The following FAT2 variants were observed in gnomAD, a reference collection of about 807,000 sequenced individuals.
FAT2 encodes the protein FAT atypical cadherin 2, also known as protocadherin Fat 2.
Under a neutral mutation model 295.3 loss-of-function variants are expected in FAT2, and 150 were observed. The ratio of observed to expected loss-of-function variants is 0.51; its 90% CI spans 0.44 to 0.58. The LOEUF (loss-of-function observed/expected upper bound fraction) is 0.58. FAT2 is among the 20% of genes least tolerant of loss of function. The probability of loss-of-function intolerance (pLI) is 0.00; values close to 1 mark genes in which losing one functional copy is unlikely to be tolerated. For missense variants in FAT2, 4,868 were observed against 5,442.7 expected, an observed-to-expected ratio of 0.89 and a Z score of 3.32; for synonymous variants, 2,026 against 2,150.3, an observed-to-expected ratio of 0.94 and a Z score of 1.60.
rs1337896723 is a variant in FAT2, at chr5:151,554,486, C to T, written c.3821G>A (p.Gly1274Asp). 1 of 1,614,212 alleles carries T rather than the reference C, an allele frequency of 6.2e-7. No homozygotes were observed. Among genetic ancestry groups the T allele is most frequent in the Non-Finnish European group, 8.5e-7 (1 of 1,180,032 alleles). The change falls in exon 5 of 24, where the codon GGT (glycine) becomes GAT (aspartate). Residue 1274 changes from glycine (G) to aspartate (D), a missense_variant. Gly to Asp is a moderately conservative substitution (Grantham distance 94). Coordinates refer to ENST00000261800, the MANE Select transcript of FAT2 (RefSeq NM_001447.3). ...YRLVASDLDE[G>D]LNGRVTYSIE... Reference sequence around the variant, plus strand: ...ACTGTAGGTGACTCTGCCATTAAGACCCTCATCCAGGTCTGAAGCCACCAG... The same window carrying T: ...ACTGTAGGTGACTCTGCCATTAAGATCCTCATCCAGGTCTGAAGCCACCAG...
intron 12 of FAT2, among the ~76,000 whole-genome samples, chr5:151,537,174 C>T (rs912498962): frequency 7.1e-6 from 1 of 140,896 alleles, no homozygotes; most frequent in Non-Finnish European, 1.5e-5. Flanking sequence ...GAGAGAAATA[C>T]AGAAAGAAAG....
rs768442315 is a variant in FAT2 at position 151,543,722 on chromosome 5, T to C, written c.7405A>G (p.Ile2469Val). The C allele has an allele frequency of 4.3e-6, 7 of 1,614,196 alleles. No homozygotes were observed. Among genetic ancestry groups the C allele is most frequent in the Non-Finnish European group, 5.9e-6 (7 of 1,180,024 alleles). Residue 2469 changes from isoleucine to valine, a missense_variant, in exon 10 of 24, where the codon ATC becomes GTC. This residue lies in a region of FAT2 where 3,297 missense variants were observed against 3,669.4 expected (regional missense o/e 0.90). Transcript: ENST00000261800. ...TACTTGTTGGCATTTGTAGTGTTGA[T>C]GTACACAGGCACAGTTGCTCGGAAG... ...GVFRATVPVY[I>V]NTTNANKYSP...
At position 151,565,980 on chromosome 5, in the gene FAT2, C is replaced by G; in HGVS notation, c.2952G>C (p.Glu984Asp). The G allele has an allele frequency of 6.2e-7, 1 of 1,614,108 alleles. No individual in the cohort carries two copies. The highest frequency in any genetic ancestry group is 8.5e-7 in the Non-Finnish European group (1 of 1,180,030). ...VDLMTGALIL[E>D]RELDFERRAG... ...CTCGCCTCTCAAAGTCCAGCTCTCT[C>G]TCCAGAATGAGCGCCCCTGTCATCA... is the stretch of plus-strand genomic sequence containing the variant. Residue 984 changes from glutamate to aspartate, a missense_variant, in exon 2 of 24, where the codon GAG becomes GAC. By Grantham distance (45) the Glu-to-Asp change is conservative. Coordinates refer to ENST00000261800, the MANE Select transcript of FAT2 (RefSeq NM_001447.3).
At chr5:151,589,333 G>C (rs1759309423) in intron 1 of FAT2, among the ~76,000 whole-genome samples, 1 of 152,170 alleles carries the variant, frequency 6.6e-6, no homozygotes, top group Admixed American at 6.5e-5. Context: ...CACACAGCCT[G>C]TCATAAAGCA....
chr5:151,514,373 G>GTT (rs534629887), intron 20 of FAT2, among the ~76,000 whole-genome samples: 1 of 152,098 alleles, frequency 6.6e-6, no homozygotes, highest in Non-Finnish European at 1.5e-5. Context: ...TCCTTATCCA[G>GTT]TTTAAGTTCC....
At chr5:151,529,902 G>C (rs1353268978) in intron 14 of FAT2, among the ~76,000 whole-genome samples, 1 of 152,148 alleles carries the variant, frequency 6.6e-6, no homozygotes. Flanking sequence ...AGAAATAAAA[G>C]AACAAGGATT....
At chr5:151,564,352 C>T (rs6878532) in intron 2 of FAT2, among the ~76,000 whole-genome samples, 73,272 of 151,758 alleles carry the variant, frequency 0.48, 17,847 homozygotes, top group Non-Finnish European at 0.53. Flanking sequence ...ACGACTTGAC[C>T]AAGATCATGT....
chr5:151,518,348 C>A (rs1753080246), intron 19 of FAT2, among the ~76,000 whole-genome samples: 3 of 101,486 alleles, frequency 3.0e-5, no homozygotes, highest in Non-Finnish European at 4.6e-5. Context: ...GACCATGTCT[C>A]TAATAATAAT....
chr5:151,553,990 A>G (rs1488627728), intron 5 of FAT2, among the ~76,000 whole-genome samples: 1 of 152,226 alleles, frequency 6.6e-6, no homozygotes, highest in Non-Finnish European at 1.5e-5. Context: ...CTCACAAGAA[A>G]GACGTTCTTA....
intron 8 of FAT2, among the ~76,000 whole-genome samples, chr5:151,549,784 CAG>C (rs1199236357): frequency 6.6e-6 from 1 of 152,140 alleles, no homozygotes; most frequent in Non-Finnish European, 1.5e-5. Context: ...AATTACATCT[CAG>C]AGAATACTCA....
Position 151,543,257 on chromosome 5 carries a change from C to A in FAT2, c.7870G>T (p.Val2624Leu), listed in dbSNP as rs751361747. ...TCTTTAACTAGGTCCTCTGGGTTCA[C>A]TGAGTAGGTGACATCTGCGTTCTGA... is the stretch of plus-strand genomic sequence containing the variant. ...EGQNADVTYS[V>L]NPEDLVKDVI... The change falls in exon 10 of 24, where the codon GTG becomes TTG. Residue 2624 changes from valine to leucine, a missense_variant. Physicochemically the swap from Val to Leu is conservative, Grantham distance 32. This residue lies in a region of FAT2 where 3,297 missense variants were observed against 3,669.4 expected (regional missense o/e 0.90). Transcript: ENST00000261800. 2 of 1,614,208 alleles carry A rather than the reference C, an allele frequency of 1.2e-6. No individual in the cohort carries two copies. The highest frequency in any genetic ancestry group is 3.3e-5 in the Admixed American group (2 of 60,024).
At chr5:151,527,414 T>C in intron 16 of FAT2, 37 bp from the exon 17 acceptor site, 2 of 1,544,836 alleles carry the variant, frequency 1.3e-6, no homozygotes, top group Non-Finnish European at 1.8e-6. Flanking sequence ...AGCAATGAGG[T>C]AGCTGTCCCT....
intron 18 of FAT2, 127 bp from the exon 19 acceptor site, chr5:151,522,213 C>G (rs1753540624): frequency 1.5e-6 from 1 of 660,968 alleles, no homozygotes; most frequent in Non-Finnish European, 2.5e-6. Context: ...TGGCTCAGCG[C>G]ATTGTTGCAT....
Position 151,521,469 on chromosome 5 carries a change from C to T in FAT2, c.11124G>A (p.Lys3708=), listed in dbSNP as rs1753444626. 1 of 1,614,234 alleles carries T rather than the reference C, an allele frequency of 6.2e-7. No homozygotes were observed. Among genetic ancestry groups the T allele is most frequent in the Non-Finnish European group, 8.5e-7 (1 of 1,180,040 alleles). The change falls in exon 19 of 24, where the codon AAG becomes AAA. Residue 3708 remains lysine (K), a synonymous_variant. Coordinates refer to ENST00000261800, the MANE Select transcript of FAT2 (RefSeq NM_001447.3). ...GAACCCCCACTGAATGCTCCATCTC[C>T]TTGGCTGAGTGAGTGATGATGGATG... is the stretch of plus-strand genomic sequence containing the variant. ...ELASIITHSA[K]EMEHSVGVQM...
rs1282186123 is a variant in FAT2 at position 151,591,227 on chromosome 5, G to A, written c.-83C>T. On this transcript the variant is annotated 5_prime_UTR_variant, in exon 1 of 24. Coordinates refer to ENST00000261800, the MANE Select transcript of FAT2 (RefSeq NM_001447.3). Reference sequence around the variant, plus strand: ...GCTGCTGGGCTGGCGCCCCTCTCACGAGGGCCAGGCTGACAGGCTCCTGAG... The same window carrying A: ...GCTGCTGGGCTGGCGCCCCTCTCACAAGGGCCAGGCTGACAGGCTCCTGAG... 1.3e-5 allele frequency among the ~76,000 whole-genome samples: 2 copies of A among 152,244 alleles called. No individual in the cohort carries two copies. The highest frequency in any genetic ancestry group is 2.4e-5 in the African/African-American group (1 of 41,464).
In FAT2 at chr5:151,567,576, G is replaced by A. The variant is rs2127648226; in HGVS notation, c.1356C>T (p.Asn452=). 1 of 1,614,194 alleles carries A rather than the reference G, an allele frequency of 6.2e-7. No homozygotes were observed. Among genetic ancestry groups the A allele is most frequent in the Non-Finnish European group, 8.5e-7 (1 of 1,180,034 alleles). ...ACCTGTTGAAGAGGGGGGCATGGTTGTTGCAGTCCACAATGTCAATGACCA... is the reference window on the plus strand; with the variant it reads ...ACCTGTTGAAGAGGGGGGCATGGTTATTGCAGTCCACAATGTCAATGACCA... The part of the protein sequence containing the change: ...TVVVIDIVDC[N]NHAPLFNRSS... Residue 452 remains asparagine (N), a synonymous_variant, in exon 2 of 24, where the codon AAC becomes AAT. Coordinates refer to ENST00000261800, the MANE Select transcript of FAT2 (RefSeq NM_001447.3).
Position 151,542,480 on chromosome 5 carries a change from T to C in FAT2, c.8647A>G (p.Thr2883Ala). 6.2e-7 allele frequency: 1 copy of C among 1,614,194 alleles called. No individual in the cohort carries two copies. The highest frequency in any genetic ancestry group is 8.5e-7 in the Non-Finnish European group (1 of 1,180,020). ...FHVVAYDHGQ[T>A]IQLSSQALVQ... Reference sequence around the variant, plus strand: ...AGGGCCTGAGAGGATAGCTGGATGGTCTGTCCGTGGTCATAGGCCACCACA... The same window carrying C: ...AGGGCCTGAGAGGATAGCTGGATGGCCTGTCCGTGGTCATAGGCCACCACA... The change falls in exon 10 of 24, where the codon ACC (threonine) becomes GCC (alanine). Residue 2883 changes from threonine to alanine, a missense_variant. Physicochemically the swap from Thr to Ala is moderately conservative, Grantham distance 58. This residue lies in a region of FAT2 where 3,297 missense variants were observed against 3,669.4 expected (regional missense o/e 0.90). Transcript: ENST00000261800.
At position 151,512,380 on chromosome 5, in the gene FAT2, A is replaced by G; in HGVS notation, c.11690T>C (p.Ile3897Thr). Residue 3897 changes from isoleucine (I) to threonine (T), a missense_variant, in exon 21 of 24, where the codon ATT (isoleucine) becomes ACT (threonine). Around this residue, in one of 5 missense-constraint regions of FAT2, gnomAD observed 1,046 missense variants for 1,210.1 expected, o/e 0.86. Transcript: ENST00000261800. This position sits in a 1 kb window ranked among gnomAD's most constrained non-coding sequence, Gnocchi z 4.1. Reference protein sequence around the residue: ...PERHLLLGGLILLHSSSNVSQ... With the variant: ...PERHLLLGGLTLLHSSSNVSQ... ...GACATTCGAGGAAGAATGCAACAGAATGAGGCCGCCCAGCAAGAGGTGCCT... is the reference window on the plus strand; with the variant it reads ...GACATTCGAGGAAGAATGCAACAGAGTGAGGCCGCCCAGCAAGAGGTGCCT... The G allele has an allele frequency of 1.2e-5, 20 of 1,614,212 alleles. No homozygotes were observed. The highest frequency in any genetic ancestry group is 1.7e-5 in the Non-Finnish European group (20 of 1,180,038).
At chr5:151,556,507 T>C (rs1313887014) in intron 3 of FAT2, 105 bp from the exon 4 acceptor site, 4 of 757,400 alleles carry the variant, frequency 5.3e-6, no homozygotes, top group African/African-American at 5.2e-5. Flanking sequence ...AGAATTCTTC[T>C]GATCTTTGAA....
Sources: gnomAD v4.1 joint callset for allele counts (sites outside exome capture counted in the v4.1 genomes callset) on GRCh38, gnomAD v4.1.1 for gene constraint, gnomAD v4.1.1 regional missense constraint, Gnocchi (gnomAD v3.1) non-coding constraint, MANE v1.5 for transcripts, NCBI Gene and HGNC (gene_info 2026-07-23, HGNC 2026-07-21) for gene names.